MTFR1: variants seen among roughly 807,000 people sequenced by gnomAD.
The protein encoded by MTFR1 is chondrocyte protein with a poly-proline region.
In MTFR1, 28 loss-of-function variants were observed where a neutral mutation model predicts 38.8. That is an observed-to-expected ratio of 0.72 (90% CI 0.53 to 0.99). MTFR1 has a LOEUF of 0.99. Ranked by LOEUF, MTFR1 falls within the 50% of genes least tolerant of loss-of-function variation. MTFR1 has a pLI of 0.00. For synonymous variants in MTFR1, 145 were observed against 137.0 expected (o/e 1.06, Z -0.41); for missense variants, 358 against 395.5 (o/e 0.91, Z 0.81).
intron 3 of MTFR1, among the ~76,000 whole-genome samples, chr8:65,764,820 C>A (rs370680908): frequency 2.6e-5 from 4 of 152,150 alleles, no homozygotes; most frequent in South Asian, 4.2e-4. Flanking sequence ...AGGAACTAAG[C>A]GAAATTTAGG....
chr8:65,679,063 A>G (rs1371651055), intron 2 of MTFR1, among the ~76,000 whole-genome samples: 1 of 152,202 alleles, frequency 6.6e-6, no homozygotes, highest in African/African-American at 2.4e-5. Context: ...AATCCTTTCT[A>G]AATTTTTCTT....
chr8:65,745,891 C>T (rs1317674550), intron 3 of MTFR1, among the ~76,000 whole-genome samples: 1 of 151,790 alleles, frequency 6.6e-6, no homozygotes, highest in East Asian at 1.9e-4. Context: ...AAGTTACTCA[C>T]TCTTTTATTA....
chr8:65,711,965 T>C (rs1023394583), downstream of MTFR1, among the ~76,000 whole-genome samples: 5 of 152,206 alleles, frequency 3.3e-5, no homozygotes, highest in African/African-American at 7.2e-5. Context: ...CTCCTGATCA[T>C]ACCAAATGGT....
intron 3 of MTFR1, among the ~76,000 whole-genome samples, chr8:65,769,471 A>G (rs1808968774): frequency 6.6e-6 from 1 of 152,214 alleles, no homozygotes; most frequent in African/African-American, 2.4e-5. Context: ...AAGAATTCGT[A>G]ATCATCAAAA....
At chr8:65,777,313 A>C in the MTFR1 span, among the ~76,000 whole-genome samples, 1 of 152,016 alleles carries the variant, frequency 6.6e-6, no homozygotes. Flanking sequence ...TCCCGACCTC[A>C]GATGATCCGC....
At chr8:65,772,552 G>A (rs983445182), downstream of MTFR1, among the ~76,000 whole-genome samples, 1 of 152,060 alleles carries the variant, frequency 6.6e-6, no homozygotes, top group Non-Finnish European at 1.5e-5. Flanking sequence ...TTTGCCTCCA[G>A]GTAAATAAAC....
At chr8:65,759,316 T>TGG (rs1321674125) in intron 3 of MTFR1, among the ~76,000 whole-genome samples, 1 of 152,182 alleles carries the variant, frequency 6.6e-6, no homozygotes, top group Non-Finnish European at 1.5e-5. Flanking sequence ...CAGATGCCAC[T>TGG]GGGGGAAACC....
Position 65,707,166 on chromosome 8 carries a change from T to C in MTFR1, c.674T>C (p.Leu225Ser), listed in dbSNP as rs1805806324. Residue 225 changes from leucine (L) to serine (S), a missense_variant, in exon 6 of 8, where the codon TTG becomes TCG. Coordinates refer to ENST00000262146, the MANE Select transcript of MTFR1 (RefSeq NM_014637.4). Reference protein sequence around the residue: ...REKRANAGKTLVKNNPKKPEM... With the variant: ...REKRANAGKTSVKNNPKKPEM... Reference sequence around the variant, plus strand: ...AAAAGAGCCAATGCTGGAAAGACTTTGGTTAAGAACAATCCAAAGAAACCT... The same window carrying C: ...AAAAGAGCCAATGCTGGAAAGACTTCGGTTAAGAACAATCCAAAGAAACCT... 3 of 1,614,218 alleles carry C rather than the reference T, an allele frequency of 1.9e-6. No homozygotes were observed. Among genetic ancestry groups the C allele is most frequent in the Non-Finnish European group, 2.5e-6 (3 of 1,180,018 alleles).
intron 3 of MTFR1, among the ~76,000 whole-genome samples, chr8:65,754,943 G>A (rs1585876362): frequency 2.0e-5 from 3 of 150,264 alleles, no homozygotes; most frequent in East Asian, 2.1e-4. Flanking sequence ...CCAGCCTGGC[G>A]ACAGAGCGAG....
chr8:65,698,531 A>G (rs577343709), intron 4 of MTFR1, among the ~76,000 whole-genome samples: 1 of 151,988 alleles, frequency 6.6e-6, no homozygotes, highest in Admixed American at 6.6e-5. Context: ...CCAAACTCCA[A>G]ATTTTTTAAA....
At chr8:65,703,044 A>G (rs1350487260) in intron 4 of MTFR1, among the ~76,000 whole-genome samples, 2 of 152,028 alleles carry the variant, frequency 1.3e-5, no homozygotes, top group Non-Finnish European at 2.9e-5. Context: ...TATCCAGAAA[A>G]TGGTTTTAAG....
At chr8:65,761,406 ATTAT>A (rs912904367) in intron 3 of MTFR1, among the ~76,000 whole-genome samples, 1 of 152,168 alleles carries the variant, frequency 6.6e-6, no homozygotes. Flanking sequence ...CATGAGACAA[ATTAT>A]TTATTTCACA....
At chr8:65,714,786 A>G (rs921289444), downstream of MTFR1, 2 of 152,256 alleles carry the variant, frequency 1.3e-5, no homozygotes, top group African/African-American at 4.8e-5. Flanking sequence ...AATAAAAACC[A>G]AGAAAGCATT....
At chr8:65,663,508 A>G (rs568102826) in intron 1 of MTFR1, among the ~76,000 whole-genome samples, 14 of 148,746 alleles carry the variant, frequency 9.4e-5, no homozygotes, top group African/African-American at 3.5e-4. Context: ...CTCTGCGAGA[A>G]ACACCCAAGA....
At chr8:65,722,833 T>C (rs1806440875) in intron 3 of MTFR1, 1 of 152,110 alleles carries the variant, frequency 6.6e-6, no homozygotes, top group African/African-American at 2.4e-5. Flanking sequence ...AGAAGAAAAG[T>C]GACTGACTCT....
intron 3 of MTFR1, among the ~76,000 whole-genome samples, chr8:65,749,113 G>A (rs940904925): frequency 2.0e-5 from 3 of 152,160 alleles, no homozygotes; most frequent in African/African-American, 7.2e-5. Flanking sequence ...GAGGCGGGAA[G>A]CACCCGCTCT....
chr8:65,739,738 C>G, intron 3 of MTFR1: 1 of 916,304 alleles, frequency 1.1e-6, no homozygotes, highest in Non-Finnish European at 1.4e-6. Context: ...TATGCATCTT[C>G]TTACCAGTTA....
intron 1 of MTFR1, among the ~76,000 whole-genome samples, chr8:65,663,017 T>C (rs367692367): frequency 2.5e-4 from 38 of 151,822 alleles, no homozygotes; most frequent in Non-Finnish European, 4.9e-4. Flanking sequence ...GCCACCACCC[T>C]GTCTGGGAGG....
chr8:65,664,884 C>T (rs1167936936), intron 1 of MTFR1, among the ~76,000 whole-genome samples: 1 of 150,730 alleles, frequency 6.6e-6, no homozygotes, highest in Non-Finnish European at 1.5e-5. Flanking sequence ...CACCGTGCCC[C>T]AGCCAAAGAA....
Sources: gnomAD v4.1 joint callset for allele counts (sites outside exome capture counted in the v4.1 genomes callset) on GRCh38, gnomAD v4.1.1 for gene constraint, MANE v1.5 for transcripts, NCBI Gene and HGNC (gene_info 2026-07-23, HGNC 2026-07-21) for gene names.